The following DLGAP1 variants were observed in gnomAD, a reference collection of about 807,000 sequenced individuals.
The protein encoded by DLGAP1 is DLG associated protein 1, also known as disks large-associated protein 1.
Under a neutral mutation model 90.8 loss-of-function variants are expected in DLGAP1, and 11 were observed. The observed-to-expected ratio is 0.12, with a 90% confidence interval of 0.08 to 0.20. The LOEUF is 0.20. Among genes scored for constraint, DLGAP1 ranks in the 10% least tolerant of loss-of-function variants. The pLI is 1.00. For missense variants in DLGAP1, 1,050 were observed against 1,333.8 expected (o/e 0.79, Z 3.31); for synonymous variants, 558 against 540.7 (o/e 1.03, Z -0.44).
intron 1 of DLGAP1, among the ~76,000 whole-genome samples, chr18:4,400,415 C>T (rs957706312): frequency 6.6e-6 from 1 of 152,256 alleles, no homozygotes; most frequent in African/African-American, 2.4e-5. Context: ...AGTTTTCAAA[C>T]CTGCTGCTAC....
chr18:3,600,712 A>C (rs1305957869), intron 7 of DLGAP1, among the ~76,000 whole-genome samples: 6 of 96,594 alleles, frequency 6.2e-5, no homozygotes, highest in South Asian at 6.4e-4. Context: ...CTATAGCTAT[A>C]TAGATATAGA....
chr18:4,439,828 G>GA (rs2083488109), intron 1 of DLGAP1, among the ~76,000 whole-genome samples: 2 of 151,666 alleles, frequency 1.3e-5, no homozygotes, highest in Admixed American at 1.3e-4. Flanking sequence ...TTTAAAAAAA[G>GA]AAAAAAATGG....
At chr18:3,670,161 T>C (rs933292285) in intron 7 of DLGAP1, among the ~76,000 whole-genome samples, 1 of 152,206 alleles carries the variant, frequency 6.6e-6, no homozygotes, top group Admixed American at 6.5e-5. Flanking sequence ...CGAAGTGAGA[T>C]CGTTTTAACT....
intron 7 of DLGAP1, among the ~76,000 whole-genome samples, chr18:3,645,131 C>T (rs1158048827): frequency 6.6e-6 from 1 of 152,008 alleles, no homozygotes; most frequent in Non-Finnish European, 1.5e-5. Context: ...CAGGGTCTCA[C>T]TCTATAGCCC....
At chr18:3,536,223 C>CT (rs71159088) in intron 9 of DLGAP1, among the ~76,000 whole-genome samples, 3,059 of 137,380 alleles carry the variant, frequency 0.022, 62 homozygotes, top group African/African-American at 0.059. Flanking sequence ...TACTTTCTTT[C>CT]TTTTTTTTTT....
chr18:3,581,090 G>A (rs968876544), intron 8 of DLGAP1, among the ~76,000 whole-genome samples: 8 of 152,162 alleles, frequency 5.3e-5, no homozygotes, highest in African/African-American at 9.7e-5. Context: ...ACCCCACAGC[G>A]GCTGTGCTCT....
intron 3 of DLGAP1, among the ~76,000 whole-genome samples, chr18:3,913,604 AT>A (rs2072080804): frequency 6.6e-6 from 1 of 152,230 alleles, no homozygotes. Flanking sequence ...GGATTGAAAT[AT>A]AGATTCTTTT....
intron 2 of DLGAP1, among the ~76,000 whole-genome samples, chr18:4,073,806 A>T (rs1013579073): frequency 1.3e-5 from 2 of 152,204 alleles, no homozygotes; most frequent in Non-Finnish European, 2.9e-5. Flanking sequence ...CAAATGAGTC[A>T]ATGAAAGTCA....
At chr18:3,989,600 T>C (rs1271304954) in intron 3 of DLGAP1, among the ~76,000 whole-genome samples, 2 of 152,176 alleles carry the variant, frequency 1.3e-5, no homozygotes, top group Non-Finnish European at 2.9e-5. Flanking sequence ...CCCAAACAAA[T>C]GTTAACTTGT....
At chr18:3,683,172 G>A (rs975159959) in intron 7 of DLGAP1, among the ~76,000 whole-genome samples, 1 of 152,016 alleles carries the variant, frequency 6.6e-6, no homozygotes, top group Non-Finnish European at 1.5e-5. Context: ...AAAACTTTGA[G>A]GAAGAAAATC....
intron 9 of DLGAP1, among the ~76,000 whole-genome samples, chr18:3,556,504 A>G (rs1052584825): frequency 5.3e-5 from 8 of 152,136 alleles, no homozygotes; most frequent in Non-Finnish European, 4.4e-5. Context: ...TTGGAATCAT[A>G]CAGTATATAG....
intron 1 of DLGAP1, among the ~76,000 whole-genome samples, chr18:4,174,273 C>A (rs1385820727): frequency 6.6e-6 from 1 of 152,172 alleles, no homozygotes; most frequent in Non-Finnish European, 1.5e-5. Context: ...CAGGGGATAA[C>A]ACCTGCCCTG....
chr18:4,295,158 TC>T (rs949176396), intron 1 of DLGAP1: 3 of 152,164 alleles, frequency 2.0e-5, no homozygotes, highest in African/African-American at 7.2e-5. Context: ...ACTGCCCTCT[TC>T]TACCCAGTAT....
At chr18:3,626,467 G>A (rs1369969635) in intron 7 of DLGAP1, among the ~76,000 whole-genome samples, 4 of 150,776 alleles carry the variant, frequency 2.7e-5, no homozygotes, top group African/African-American at 7.3e-5. Context: ...GGTGGTGGGC[G>A]TCTGTAGTCC....
chr18:4,265,502 CTT>C (rs1568480029), intron 1 of DLGAP1, among the ~76,000 whole-genome samples: 1 of 143,220 alleles, frequency 7.0e-6, no homozygotes, highest in African/African-American at 2.5e-5. Context: ...TTTCCTTTTT[CTT>C]TGTTTCTTCT....
At chr18:4,244,500 A>ATAT (rs760556635) in intron 1 of DLGAP1, among the ~76,000 whole-genome samples, 3 of 152,172 alleles carry the variant, frequency 2.0e-5, no homozygotes, top group Non-Finnish European at 4.4e-5. Flanking sequence ...TATCTTTTGG[A>ATAT]GTAAATACTG....
chr18:3,945,498 T>C (rs796390490), intron 3 of DLGAP1, among the ~76,000 whole-genome samples: 11 of 152,300 alleles, frequency 7.2e-5, no homozygotes, highest in African/African-American at 2.4e-4. Flanking sequence ...TTGGTTCTAA[T>C]AGTTATGTGG....
intron 2 of DLGAP1, among the ~76,000 whole-genome samples, chr18:4,117,140 C>T (rs1290058829): frequency 6.6e-6 from 1 of 152,140 alleles, no homozygotes; most frequent in East Asian, 1.9e-4. Flanking sequence ...GTGAAGACCA[C>T]GTGGAGGGAG....
intron 3 of DLGAP1, among the ~76,000 whole-genome samples, chr18:3,977,434 G>GTGTTTTTT (rs1555718019): frequency 1.0e-5 from 1 of 95,332 alleles, no homozygotes; most frequent in African/African-American, 4.2e-5. Context: ...TTTATTCTGT[G>GTGTTTTTT]TTTTTTTTTT....
Sources: allele counts gnomAD v4.1 joint callset (sites outside exome capture counted in the v4.1 genomes callset), GRCh38; gene constraint gnomAD v4.1.1; transcripts MANE v1.5; gene names NCBI Gene and HGNC (gene_info 2026-07-23, HGNC 2026-07-21).